The following CHD2 variants were observed in gnomAD, a reference collection of about 807,000 sequenced individuals.
CHD2 encodes chromodomain helicase DNA binding protein 2, also known as ATP-dependent chromatin remodeler CHD2.
CHD2 carries 28 observed loss-of-function variants against 243.9 expected under a neutral mutation model. That is an observed-to-expected ratio of 0.11 (90% confidence interval 0.09 to 0.16). The LOEUF (loss-of-function observed/expected upper bound fraction) is 0.16, where lower values mean the gene tolerates loss of function less well. Among genes scored for constraint, CHD2 ranks in the 10% least tolerant of loss-of-function variants. The pLI, the probability that CHD2 is intolerant of heterozygous loss-of-function variation, is 1.00. For missense variants in CHD2, 1,386 were observed against 2,209.8 expected (o/e 0.63, Z 7.47); for synonymous variants, 775 against 779.0 (o/e 0.99, Z 0.09).
At chr15:92,917,426 T>TG (rs1280872371) in intron 2 of CHD2, among the ~76,000 whole-genome samples, 5 of 152,092 alleles carry the variant, frequency 3.3e-5, no homozygotes, top group African/African-American at 1.2e-4. Flanking sequence ...CCAGGTGCAG[T>TG]GGGGCATGCC....
intron 22 of CHD2, among the ~76,000 whole-genome samples, chr15:92,980,037 T>TTTTGTTTGTTTG (rs55822413): frequency 0.039 from 5,849 of 150,088 alleles, 197 homozygotes; most frequent in Non-Finnish European, 0.053. Flanking sequence ...CAGCTATGTT[T>TTTTGTTTGTTTG]TTTGTTTGTT....
chr15:92,962,748 T>C (rs1400351730), intron 16 of CHD2, among the ~76,000 whole-genome samples: 1 of 152,212 alleles, frequency 6.6e-6, no homozygotes, highest in Non-Finnish European at 1.5e-5. Context: ...AATATTTTAA[T>C]TTTTAACTGT....
At position 92,998,514 on chromosome 15, in the gene CHD2, A is replaced by G. The variant is rs905782003; in HGVS notation, c.3901A>G (p.Thr1301Ala). ...CTTGTTGAAGATTCTGCCGGTGGAG[A>G]CAGATAAAAAGCCTCAGGGGAAGCA... is the stretch of plus-strand genomic sequence containing the variant. ...KLTDKILPVE[T>A]DKKPQGKQLQ... The change falls in exon 31 of 39, where the codon ACA becomes GCA. Residue 1301 changes from threonine (T) to alanine (A), a missense_variant. By Grantham distance (58) the Thr-to-Ala change is moderately conservative. Around this residue, in one of 19 missense-constraint regions of CHD2, gnomAD observed 99 missense variants for 176.9 expected, o/e 0.56. Coordinates refer to ENST00000394196, the MANE Select transcript of CHD2 (RefSeq NM_001271.4). The surrounding 1 kb of genome is among the most constrained non-coding windows in gnomAD (Gnocchi z 5.1). 1 of 1,613,730 alleles carries G rather than the reference A, an allele frequency of 6.2e-7. No individual in the cohort carries two copies. The highest frequency in any genetic ancestry group is 8.5e-7 in the Non-Finnish European group (1 of 1,179,916).
chr15:92,970,740 A>G (rs1339806258), intron 17 of CHD2, among the ~76,000 whole-genome samples: 1 of 152,130 alleles, frequency 6.6e-6, no homozygotes, highest in East Asian at 1.9e-4. Context: ...TTGAGGTTAT[A>G]TAGTATGGTT....
At chr15:92,912,516 C>G (rs1412468152) in intron 2 of CHD2, among the ~76,000 whole-genome samples, 1 of 151,990 alleles carries the variant, frequency 6.6e-6, no homozygotes, top group Non-Finnish European at 1.5e-5. Context: ...ACCACCGTGC[C>G]CAGTTAATTT....
Position 92,924,534 on chromosome 15 carries a change from G to T in CHD2, c.276G>T (p.Arg92=). The T allele has an allele frequency of 6.2e-7, 1 of 1,614,122 alleles. No individual in the cohort carries two copies. The highest frequency in any genetic ancestry group is 8.5e-7 in the Non-Finnish European group (1 of 1,179,980). Residue 92 remains arginine (R), a synonymous_variant, in exon 3 of 39, where the codon CGG becomes CGT. Transcript: ENST00000394196. Reference sequence around the variant, plus strand: ...AGAAGCCAGCCTCTAAGAAGGAACGGATAGCTGATGTGAAGAAGGTATCTA... The same window carrying T: ...AGAAGCCAGCCTCTAAGAAGGAACGTATAGCTGATGTGAAGAAGGTATCTA... ...AKEKPASKKE[R]IADVKKMWEE...
intron 2 of CHD2, among the ~76,000 whole-genome samples, chr15:92,917,978 T>C (rs770009545): frequency 4.6e-5 from 7 of 152,220 alleles, no homozygotes; most frequent in Admixed American, 2.0e-4. Context: ...AGATTTTGCT[T>C]TCACCCACAA....
At chr15:92,935,918 G>A (rs936632352) in intron 5 of CHD2, among the ~76,000 whole-genome samples, 7 of 151,758 alleles carry the variant, frequency 4.6e-5, no homozygotes, top group East Asian at 1.9e-4. Flanking sequence ...GACTAATTGC[G>A]CATTCTTTCA....
At chr15:92,935,729 C>T (rs558949324) in intron 5 of CHD2, among the ~76,000 whole-genome samples, 1 of 152,262 alleles carries the variant, frequency 6.6e-6, no homozygotes, top group East Asian at 1.9e-4. Flanking sequence ...CTGGTGATCA[C>T]CTTATATTCC....
chr15:92,967,258 A>G, intron 16 of CHD2, 67 bp from the exon 17 acceptor site: 1 of 1,132,404 alleles, frequency 8.8e-7, no homozygotes. Flanking sequence ...TCATTTTTTT[A>G]CAGTTTTTTT....
Position 92,944,418 on chromosome 15 carries a change from A to G in CHD2, c.1056A>G (p.Leu352=), listed in dbSNP as rs1236647669. 2 of 1,597,106 alleles carry G rather than the reference A, an allele frequency of 1.3e-6. No homozygotes were observed. The part of the protein sequence containing the change: ...KKKEDEIKQW[L]GKVSPEDVEY... ...TTTCTGTCTGTCTGCCATTCAGGTT[A>G]GGGAAAGTTTCTCCTGAAGATGTAG... The change falls in exon 10 of 39, where the codon TTA becomes TTG. Residue 352 remains leucine, a synonymous_variant. Coordinates refer to ENST00000394196, the MANE Select transcript of CHD2 (RefSeq NM_001271.4).
intron 27 of CHD2, among the ~76,000 whole-genome samples, 184 bp from the exon 28 acceptor site, chr15:92,992,675 A>G (rs1446457745): frequency 3.9e-5 from 6 of 152,188 alleles, no homozygotes; most frequent in African/African-American, 1.4e-4. Context: ...ATGATGGAAA[A>G]TGAATGTGTT....
intron 13 of CHD2, 83 bp from the exon 14 acceptor site, chr15:92,953,274 T>C: frequency 1.9e-6 from 2 of 1,047,264 alleles, no homozygotes; most frequent in East Asian, 2.5e-5. Flanking sequence ...TTGTGAAGCA[T>C]TGGTGTCGTT....
At chr15:92,956,331 G>T in intron 15 of CHD2, 128 bp from the exon 16 acceptor site, 1 of 677,012 alleles carries the variant, frequency 1.5e-6, no homozygotes, top group Non-Finnish European at 2.5e-6. Context: ...AATATATATT[G>T]TCAGTGAAGA....
intron 23 of CHD2, 31 bp from the exon 24 acceptor site, chr15:92,981,334 A>T: frequency 6.5e-7 from 1 of 1,545,360 alleles, no homozygotes; most frequent in African/African-American, 1.4e-5. Context: ...TTGCCATTTT[A>T]TTCTATTCGT....
intron 36 of CHD2, among the ~76,000 whole-genome samples, chr15:93,014,431 G>A (rs549880957): frequency 6.6e-6 from 1 of 152,310 alleles, no homozygotes; most frequent in South Asian, 2.1e-4. Flanking sequence ...ACCATACCCT[G>A]TACAGTGACA....
intron 14 of CHD2, 23 bp downstream of exon 14, chr15:92,953,596 G>T: frequency 1.3e-6 from 2 of 1,596,592 alleles, no homozygotes; most frequent in Non-Finnish European, 1.7e-6. Flanking sequence ...AAAGAGCTGG[G>T]TTAGAATCTG....
chr15:92,917,761 A>C (rs17648415), intron 2 of CHD2, among the ~76,000 whole-genome samples: 1 of 152,080 alleles, frequency 6.6e-6, no homozygotes, highest in Non-Finnish European at 1.5e-5. Context: ...TGCATAATTC[A>C]GACTGTGGGG....
At chr15:92,905,144 T>G in intron 2 of CHD2, 2 of 734,988 alleles carry the variant, frequency 2.7e-6, no homozygotes, top group Non-Finnish European at 2.1e-6. Flanking sequence ...TAAGTAAATG[T>G]CAGAAAACTA....
Sources: gnomAD v4.1 joint callset for allele counts (sites outside exome capture counted in the v4.1 genomes callset) on GRCh38, gnomAD v4.1.1 for gene constraint, gnomAD v4.1.1 regional missense constraint, Gnocchi (gnomAD v3.1) non-coding constraint, MANE v1.5 for transcripts, NCBI Gene and HGNC (gene_info 2026-07-23, HGNC 2026-07-21) for gene names.